Variants in VTI1B observed in about 807,000 individuals in gnomAD.
VTI1B encodes vesicle transport through interaction with t-SNAREs 1B.
VTI1B carries 18 observed loss-of-function variants against 28.6 expected under a neutral mutation model. That is an observed-to-expected ratio of 0.63 (90% CI 0.43 to 0.93). The LOEUF is 0.93. VTI1B is among the 40% of genes least tolerant of loss of function. The probability of loss-of-function intolerance (pLI) is 0.00; values close to 1 mark genes in which losing one functional copy is unlikely to be tolerated. For missense variants in VTI1B, 283 were observed against 297.0 expected (o/e 0.95, Z 0.35); for synonymous variants, 100 against 107.9 (o/e 0.93, Z 0.46).
At chr14:67,673,317 C>G (rs968851871) in intron 1 of VTI1B, among the ~76,000 whole-genome samples, 3 of 151,922 alleles carry the variant, frequency 2.0e-5, no homozygotes, top group Admixed American at 6.6e-5. Context: ...GCACTCCAGC[C>G]TGGGTGACAG....
Position 67,650,802 on chromosome 14 carries a change from T to C in VTI1B, c.*583A>G, listed in dbSNP as rs2037164110. On this transcript the variant is annotated 3_prime_UTR_variant, in exon 6 of 6. Transcript: ENST00000554659. ...GCGAAGACTACAGCTAACCTGGCAG[T>C]AGATGTGATTGCTTCAAGCTTTGGT... 6.2e-7 allele frequency: 1 copy of C among 1,614,014 alleles called. No individual in the cohort carries two copies. The highest frequency in any genetic ancestry group is 8.5e-7 in the Non-Finnish European group (1 of 1,180,016).
intron 1 of VTI1B, among the ~76,000 whole-genome samples, chr14:67,665,774 T>C (rs573252981): frequency 5.3e-4 from 80 of 152,268 alleles, no homozygotes; most frequent in African/African-American, 1.8e-3. Flanking sequence ...CATTCATTGT[T>C]GTGTGCCACC....
chr14:67,671,529 A>G (rs1228136825), intron 1 of VTI1B, among the ~76,000 whole-genome samples: 1 of 152,198 alleles, frequency 6.6e-6, no homozygotes, highest in Non-Finnish European at 1.5e-5. Flanking sequence ...CTATCTCAAA[A>G]AAACAAAAAA....
At position 67,650,711 on chromosome 14, in the gene VTI1B, CCAGGGTTGCTATCAGCA is replaced by C. The variant is rs1383317245; in HGVS notation, c.*657_*673del. ...TGAGGTTTTGTCACACTTTGTTCTT[CCAGGGTTGCTATCAGCA>C]CTGGATCTTGTTGAAGTCAATCCTC... On this transcript the variant is annotated 3_prime_UTR_variant, in exon 6 of 6. Transcript: ENST00000554659. The C allele has an allele frequency of 6.2e-7, 1 of 1,613,474 alleles. No individual in the cohort carries two copies. Among genetic ancestry groups the C allele is most frequent in the South Asian group, 1.1e-5 (1 of 91,068 alleles).
rs2037134886 is a variant in VTI1B at position 67,648,823 on chromosome 14, A to G, written c.*2562T>C. On this transcript the variant is annotated 3_prime_UTR_variant, in exon 6 of 6. Coordinates refer to ENST00000554659, the MANE Select transcript of VTI1B (RefSeq NM_006370.3). The stretch of plus-strand genomic sequence containing the variant: ...AGCTTCTGGTTTTAAAGCTACTTCA[A>G]ATGACCTTTCATTCCAAAATTTAAA... The G allele has an allele frequency of 6.6e-6, 1 of 152,246 alleles. No individual in the cohort carries two copies. 9.4% of individuals were successfully genotyped at this position (152,246 alleles called of 1,614,324 possible).
chr14:67,656,298 A>T, intron 4 of VTI1B, 118 bp downstream of exon 4: 1 of 1,019,204 alleles, frequency 9.8e-7, no homozygotes, highest in Non-Finnish European at 1.3e-6. Context: ...TAAGAACTTA[A>T]AAAAGACTAT....
chr14:67,656,657 A>C, intron 3 of VTI1B, 68 bp from the exon 4 acceptor site: 2 of 1,492,800 alleles, frequency 1.3e-6, no homozygotes, highest in Non-Finnish European at 1.8e-6. Flanking sequence ...CATATTCCTC[A>C]TCACCTTCCC....
At chr14:67,662,592 G>T in intron 1 of VTI1B, 57 bp from the exon 2 acceptor site, 1 of 1,478,212 alleles carries the variant, frequency 6.8e-7, no homozygotes, top group East Asian at 2.3e-5. Flanking sequence ...ATTTGTAAAG[G>T]CCATTCCCTC....
At chr14:67,652,884 C>G (rs573237998) in intron 5 of VTI1B, among the ~76,000 whole-genome samples, 65 of 152,296 alleles carry the variant, frequency 4.3e-4, no homozygotes, top group Admixed American at 1.2e-3. Context: ...ACCTCCACCC[C>G]CCAGGTTCAA....
intron 2 of VTI1B, among the ~76,000 whole-genome samples, chr14:67,660,429 GAA>G (rs2037321273): frequency 6.6e-6 from 1 of 152,060 alleles, no homozygotes; most frequent in Non-Finnish European, 1.5e-5. Context: ...AAATTAAACA[GAA>G]AAGGAGTCAG....
At position 67,647,217 on chromosome 14, in the gene VTI1B, C is replaced by G; in HGVS notation, c.*4168G>C. 1 of 500,990 alleles carries G rather than the reference C, an allele frequency of 2.0e-6. No individual in the cohort carries two copies. Among genetic ancestry groups the G allele is most frequent in the Non-Finnish European group, 3.5e-6 (1 of 283,840 alleles). 31.0% of individuals were successfully genotyped at this position (500,990 alleles called of 1,614,324 possible). On this transcript the variant is annotated 3_prime_UTR_variant, in exon 6 of 6. Transcript: ENST00000554659. ...TGGGGTTTTTGGGAGGAGGTTTCCT[C>G]TAAATCATTGCCTAGATCTTCTGTC... is the stretch of plus-strand genomic sequence containing the variant.
In VTI1B at chr14:67,648,931, T is replaced by TA. The variant is rs1490026222; in HGVS notation, c.*2453dup. ...GACCCCAGATTGAAAGGTTCAGGGC[T>TA]ATAGAGAACCCTTGACTAGCTGGGA... On this transcript the variant is annotated 3_prime_UTR_variant, in exon 6 of 6. Transcript: ENST00000554659. 6.6e-6 allele frequency: 1 copy of TA among 152,212 alleles called. No homozygotes were observed. The highest frequency in any genetic ancestry group is 2.4e-5 in the African/African-American group (1 of 41,442). The allele number at this position is 152,212 out of a possible 1,614,324, so 9.4% of individuals were successfully genotyped here. A position where few individuals can be genotyped will look rare whatever the true frequency, so the allele number is the denominator to read the frequency against.
chr14:67,674,142 G>C (rs1387433046), intron 1 of VTI1B, among the ~76,000 whole-genome samples: 1 of 152,194 alleles, frequency 6.6e-6, no homozygotes, highest in African/African-American at 2.4e-5. Flanking sequence ...AGTGAAAAAA[G>C]ATGAGAAAAT....
rs1363688886 is a variant in VTI1B at position 67,662,991 on chromosome 14, C to T, written c.116-456G>A. ...ACAGTGAACCACTTCTATGTTAACT[C>T]GTACACTACTTTTCTGCAAAATAAA... On this transcript the variant is annotated intron_variant, in intron 1 of 5. Transcript: ENST00000554659. The T allele has an allele frequency of 7.2e-6, 10 of 1,392,692 alleles. 1 individual carries two copies. Among genetic ancestry groups the T allele is most frequent in the South Asian group, 3.5e-5 (2 of 56,634 alleles). 86.3% of individuals were successfully genotyped at this position (1,392,692 alleles called of 1,614,324 possible). A position where few individuals can be genotyped will look rare whatever the true frequency, so the allele number is the denominator to read the frequency against.
chr14:67,669,965 T>A (rs1287275848), intron 1 of VTI1B, among the ~76,000 whole-genome samples: 1 of 152,080 alleles, frequency 6.6e-6, no homozygotes, highest in Non-Finnish European at 1.5e-5. Context: ...CCTGGTGCCA[T>A]GCACCTGTGG....
intron 1 of VTI1B, chr14:67,663,108 C>A: frequency 6.6e-7 from 1 of 1,520,408 alleles, no homozygotes; most frequent in Non-Finnish European, 8.8e-7. Flanking sequence ...ACGATGAGAA[C>A]GTTATTCATT....
intron 1 of VTI1B, among the ~76,000 whole-genome samples, chr14:67,667,661 G>A (rs1312525506): frequency 6.6e-6 from 1 of 152,168 alleles, no homozygotes; most frequent in Non-Finnish European, 1.5e-5. Flanking sequence ...TGAGGAGTTA[G>A]AGGCCAGGCG....
At position 67,651,329 on chromosome 14, in the gene VTI1B, A is replaced by G; in HGVS notation, c.*56T>C. ...TATGCTTATTCTATCCACATCCCTA[A>G]CATCATGCATTCACAAGGTCAAAGT... On this transcript the variant is annotated 3_prime_UTR_variant, in exon 6 of 6. Transcript: ENST00000554659. 1 of 1,611,216 alleles carries G rather than the reference A, an allele frequency of 6.2e-7. No homozygotes were observed. Among genetic ancestry groups the G allele is most frequent in the Non-Finnish European group, 8.5e-7 (1 of 1,178,302 alleles).
At chr14:67,654,129 C>T (rs1277800483) in intron 4 of VTI1B, among the ~76,000 whole-genome samples, 1 of 152,116 alleles carries the variant, frequency 6.6e-6, no homozygotes, top group Admixed American at 6.5e-5. Context: ...TTATTTGAAA[C>T]AGGGTCTCAC....
Sources: allele counts gnomAD v4.1 joint callset (sites outside exome capture counted in the v4.1 genomes callset), GRCh38; gene constraint gnomAD v4.1.1; transcripts MANE v1.5; gene names NCBI Gene and HGNC (gene_info 2026-07-23, HGNC 2026-07-21).